DYNC1I1: variants seen among roughly 807,000 people sequenced by gnomAD.
DYNC1I1 encodes cytoplasmic dynein 1 intermediate chain 1.
A neutral mutation model predicts 86.6 loss-of-function variants in DYNC1I1; 43 were observed. That is an observed-to-expected ratio of 0.50 (90% CI 0.39 to 0.64). The LOEUF (loss-of-function observed/expected upper bound fraction) is 0.64. Among genes scored for constraint, DYNC1I1 ranks in the 30% least tolerant of loss-of-function variants. The pLI is 0.00. For synonymous variants in DYNC1I1, 262 were observed against 283.7 expected, an observed-to-expected ratio of 0.92 and a Z score of 0.77; for missense variants, 604 against 788.8, an observed-to-expected ratio of 0.77 and a Z score of 2.81.
intron 12 of DYNC1I1, 46 bp downstream of exon 12, chr7:96,032,826 G>A: frequency 6.7e-7 from 1 of 1,488,800 alleles, no homozygotes; most frequent in Non-Finnish European, 9.4e-7. Flanking sequence ...GGTTAAAAGA[G>A]ATACCTACTT....
At chr7:96,008,520 C>G (rs1007729006) in intron 10 of DYNC1I1, among the ~76,000 whole-genome samples, 3 of 152,158 alleles carry the variant, frequency 2.0e-5, no homozygotes, top group Non-Finnish European at 2.9e-5. Context: ...CTCTGTCGTA[C>G]TTCATCTCAA....
intron 13 of DYNC1I1, among the ~76,000 whole-genome samples, chr7:96,037,825 A>G (rs1002694316): frequency 6.6e-6 from 1 of 152,314 alleles, no homozygotes; most frequent in South Asian, 2.1e-4. Flanking sequence ...CATCTGAAAT[A>G]TAAAATACAG....
At chr7:95,949,970 C>T (rs528587158) in intron 6 of DYNC1I1, among the ~76,000 whole-genome samples, 27 of 84,960 alleles carry the variant, frequency 3.2e-4, no homozygotes, top group African/African-American at 8.1e-4. Context: ...AATCTCTCAT[C>T]TTTCTTTTTT....
chr7:95,915,851 T>A (rs938955269), intron 6 of DYNC1I1, among the ~76,000 whole-genome samples: 2 of 152,226 alleles, frequency 1.3e-5, no homozygotes, highest in African/African-American at 4.8e-5. Context: ...TAAGTTGGGA[T>A]GTGCCAATAA....
At chr7:95,958,110 A>G (rs1792766947) in intron 6 of DYNC1I1, among the ~76,000 whole-genome samples, 1 of 152,204 alleles carries the variant, frequency 6.6e-6, no homozygotes, top group Non-Finnish European at 1.5e-5. Flanking sequence ...TACCAGTAGC[A>G]ACCACCTACA....
At chr7:95,913,307 C>T (rs1791385963) in intron 6 of DYNC1I1, among the ~76,000 whole-genome samples, 1 of 152,120 alleles carries the variant, frequency 6.6e-6, no homozygotes, top group African/African-American at 2.4e-5. Flanking sequence ...AGCTCTTGAG[C>T]GGAGGTGGGG....
chr7:96,105,080 A>G (rs891440012), intron 16 of DYNC1I1, among the ~76,000 whole-genome samples: 3 of 151,804 alleles, frequency 2.0e-5, no homozygotes, highest in Non-Finnish European at 4.4e-5. Context: ...CTAATTTTTT[A>G]TGCTATTGTA....
At chr7:95,814,187 A>G (rs1320664430) in intron 4 of DYNC1I1, among the ~76,000 whole-genome samples, 1 of 152,130 alleles carries the variant, frequency 6.6e-6, no homozygotes, top group African/African-American at 2.4e-5. Flanking sequence ...GATATGATGG[A>G]CCCAATTTTT....
intron 14 of DYNC1I1, among the ~76,000 whole-genome samples, chr7:96,041,309 TAA>T: frequency 6.6e-6 from 1 of 152,312 alleles, no homozygotes; most frequent in Admixed American, 6.5e-5. Context: ...GACAAAAATC[TAA>T]GTTTTGCAAC....
At chr7:96,059,057 C>T (rs142000838) in intron 14 of DYNC1I1, among the ~76,000 whole-genome samples, 1 of 152,188 alleles carries the variant, frequency 6.6e-6, no homozygotes, top group East Asian at 1.9e-4. Flanking sequence ...TTGATTCCTA[C>T]GACCTTCTGG....
intron 4 of DYNC1I1, among the ~76,000 whole-genome samples, chr7:95,824,139 C>T (rs1319126011): frequency 6.6e-6 from 1 of 150,886 alleles, no homozygotes; most frequent in African/African-American, 2.4e-5. Context: ...CACAGGCGAG[C>T]ACCACCATAC....
chr7:95,809,750 T>C lies in DYNC1I1; in HGVS notation c.109-642T>C, dbSNP rs535444599. Among the ~76,000 whole-genome samples, 71 of 152,282 alleles carry C rather than the reference T, an allele frequency of 4.7e-4. No homozygotes were observed. In the South Asian group the frequency reaches 0.014, roughly 31 times the overall value. On this transcript the variant is annotated intron_variant, in intron 2 of 16. Coordinates refer to ENST00000447467, the MANE Select transcript of DYNC1I1 (RefSeq NM_001135556.2). ...TTCTTGTAAATGTTTTGTTTTACTA[T>C]ATTTTCTACATGATAATTTTCTTCT... is the stretch of plus-strand genomic sequence containing the variant.
chr7:96,014,567 A>G (rs1210007980), intron 10 of DYNC1I1, among the ~76,000 whole-genome samples: 1 of 152,200 alleles, frequency 6.6e-6, no homozygotes, highest in East Asian at 1.9e-4. Context: ...GTGGGGCTTG[A>G]TTTAATAGAG....
At chr7:96,053,591 A>C (rs1789470690) in intron 14 of DYNC1I1, among the ~76,000 whole-genome samples, 1 of 152,180 alleles carries the variant, frequency 6.6e-6, no homozygotes, top group Non-Finnish European at 1.5e-5. Context: ...CTTGAAAGGG[A>C]TTTAAAAGTG....
At chr7:95,869,654 G>GAC (rs1790109102) in intron 5 of DYNC1I1, among the ~76,000 whole-genome samples, 1 of 152,186 alleles carries the variant, frequency 6.6e-6, no homozygotes, top group Non-Finnish European at 1.5e-5. Context: ...AGATAGGAAA[G>GAC]CTGAGGGTCT....
chr7:95,896,731 G>A (rs767674784), intron 6 of DYNC1I1, among the ~76,000 whole-genome samples: 1 of 152,116 alleles, frequency 6.6e-6, no homozygotes, highest in Non-Finnish European at 1.5e-5. Flanking sequence ...TGTGTTGTGG[G>A]AATTACAAAT....
At chr7:95,854,621 C>T (rs1238620865) in intron 5 of DYNC1I1, among the ~76,000 whole-genome samples, 4 of 152,168 alleles carry the variant, frequency 2.6e-5, no homozygotes, top group Non-Finnish European at 5.9e-5. Flanking sequence ...GCACTTAACT[C>T]ACTTTTAACA....
In DYNC1I1 at chr7:95,846,068, T is replaced by C. The variant is rs1053939962; in HGVS notation, c.374+17952T>C. ...TGACTTGAAGAATTCTATAATTTTA[T>C]AGTTTTATGTTGGTACAAATTCTAT... On this transcript the variant is annotated intron_variant, in intron 5 of 16. Coordinates refer to ENST00000447467, the MANE Select transcript of DYNC1I1 (RefSeq NM_001135556.2). Among the ~76,000 whole-genome samples, 14 of 152,330 alleles carry C rather than the reference T, an allele frequency of 9.2e-5. No individual in the cohort carries two copies. In the East Asian group the frequency reaches 1.7e-3, roughly 19 times the overall value.
rs200679903 is a variant in DYNC1I1, at chr7:95,942,891, C to T, written c.491-34621C>T. 2.7e-5 allele frequency among the ~76,000 whole-genome samples: 4 copies of T among 146,104 alleles called. No individual in the cohort carries two copies. The Admixed American group carries it at 2.8e-4, about 10-fold the overall frequency. ...CATATCTCAAAATAATAAGAGCTAT[C>T]TATGACAAACCCACAGCCAATATCA... On this transcript the variant is annotated intron_variant, in intron 6 of 16. Transcript: ENST00000447467.
Sources: allele counts gnomAD v4.1 joint callset (sites outside exome capture counted in the v4.1 genomes callset), GRCh38; gene constraint gnomAD v4.1.1; transcripts MANE v1.5; gene names NCBI Gene and HGNC (gene_info 2026-07-23, HGNC 2026-07-21).